TBC1D9: variants seen among roughly 807,000 people sequenced by gnomAD.
TBC1D9 encodes TBC1 domain family member 9.
A neutral mutation model predicts 132.0 loss-of-function variants in TBC1D9; 63 were observed. The observed-to-expected ratio is 0.48, with a 90% confidence interval of 0.39 to 0.59. TBC1D9 has a LOEUF of 0.59. Among genes scored for constraint, TBC1D9 ranks in the 20% least tolerant of loss-of-function variants. The pLI, the probability that TBC1D9 is intolerant of heterozygous loss-of-function variation, is 0.00. For synonymous variants in TBC1D9, 610 were observed against 609.9 expected (o/e 1.00, Z 0.00); for missense variants, 1,261 against 1,592.7 (o/e 0.79, Z 3.54).
chr4:140,709,219 A>ATCTC (rs145661338), intron 1 of TBC1D9, among the ~76,000 whole-genome samples: 4,844 of 87,830 alleles, frequency 0.055, 186 homozygotes, highest in Middle Eastern at 0.11. Flanking sequence ...AACCAGCCTT[A>ATCTC]TCTCTCTCTC....
intron 13 of TBC1D9, chr4:140,641,887 C>A: frequency 2.6e-6 from 1 of 384,588 alleles, no homozygotes; most frequent in Non-Finnish European, 4.9e-6. Flanking sequence ...CACTCGCTTC[C>A]TTCTCGCTCA....
At chr4:140,693,382 G>A (rs1426661889) in intron 2 of TBC1D9, among the ~76,000 whole-genome samples, 1 of 152,178 alleles carries the variant, frequency 6.6e-6, no homozygotes, top group East Asian at 1.9e-4. Flanking sequence ...TGAGTGAGGC[G>A]ATATTACTTA....
intron 1 of TBC1D9, among the ~76,000 whole-genome samples, chr4:140,730,839 T>G (rs1439004119): frequency 6.6e-6 from 1 of 152,248 alleles, no homozygotes; most frequent in Non-Finnish European, 1.5e-5. Flanking sequence ...GGAGCAAGTA[T>G]GAGGCACGAG....
At chr4:140,663,225 G>A (rs1024758515) in intron 9 of TBC1D9, among the ~76,000 whole-genome samples, 1 of 152,106 alleles carries the variant, frequency 6.6e-6, no homozygotes, top group South Asian at 2.1e-4. Context: ...ATTTTAAAAT[G>A]GGCAAAGGAA....
rs759630235 is a variant in TBC1D9, at chr4:140,622,736, C to T, written c.3260G>A (p.Cys1087Tyr). The change falls in exon 21 of 21, where the codon TGC (cysteine) becomes TAC (tyrosine). Residue 1087 changes from cysteine (C) to tyrosine (Y), a missense_variant. Transcript: ENST00000442267. ...GAGCACGCCTGGGATGCCCTGGTGG[C>T]AGGACGGCCCACTGCCTCCGCTCCC... ...EGGSGGSGPS[C>Y]HQGIPGVLFP... 4 of 1,607,886 alleles carry T rather than the reference C, an allele frequency of 2.5e-6. No homozygotes were observed. In the Admixed American group the frequency reaches 6.7e-5, roughly 27 times the overall value.
At chr4:140,676,337 C>T (rs1014937031) in intron 6 of TBC1D9, among the ~76,000 whole-genome samples, 2 of 152,146 alleles carry the variant, frequency 1.3e-5, no homozygotes, top group Non-Finnish European at 2.9e-5. Context: ...TTGCTGGCCT[C>T]GTTAAGCTTG....
chr4:140,709,240 T>A (rs1738192851), intron 1 of TBC1D9, among the ~76,000 whole-genome samples: 1 of 109,542 alleles, frequency 9.1e-6, no homozygotes, highest in African/African-American at 3.8e-5. Context: ...TCTCTCTCTC[T>A]CTCTCTCTCA....
intron 2 of TBC1D9, among the ~76,000 whole-genome samples, chr4:140,690,862 C>G (rs1200533300): frequency 1.3e-5 from 2 of 152,032 alleles, no homozygotes; most frequent in Non-Finnish European, 2.9e-5. Context: ...TTATATGAAC[C>G]CATTATCATC....
At chr4:140,746,083 T>G (rs562545245) in intron 1 of TBC1D9, among the ~76,000 whole-genome samples, 1 of 152,356 alleles carries the variant, frequency 6.6e-6, no homozygotes, top group South Asian at 2.1e-4. Flanking sequence ...TAGTCTGCAC[T>G]CTTACCATCT....
In TBC1D9 at chr4:140,699,925, AT is replaced by A. The variant is rs1479625940; in HGVS notation, c.241+1578del. On this transcript the variant is annotated intron_variant, in intron 2 of 20. Transcript: ENST00000442267. ...CTGTAAATCAAGTAGAGGCAAAAAAATAAAAGTTAAAAAAAGTGTTCATATA... is the reference window on the plus strand; with the variant it reads ...CTGTAAATCAAGTAGAGGCAAAAAAAAAAAGTTAAAAAAAGTGTTCATATA... Among the ~76,000 whole-genome samples the A allele has an allele frequency of 5.1e-4, 77 of 151,762 alleles. 1 individual carries two copies. The highest frequency in any genetic ancestry group is 1.7e-3 in the African/African-American group (71 of 41,336).
At chr4:140,733,911 C>T (rs767893745) in intron 1 of TBC1D9, among the ~76,000 whole-genome samples, 1 of 151,962 alleles carries the variant, frequency 6.6e-6, no homozygotes, top group Non-Finnish European at 1.5e-5. Flanking sequence ...TCCTCTTCTT[C>T]CTTTCCTCCC....
At chr4:140,639,470 C>G (rs943266140) in intron 13 of TBC1D9, 42 bp from the exon 14 acceptor site, 6 of 1,390,896 alleles carry the variant, frequency 4.3e-6, no homozygotes, top group Admixed American at 1.9e-5. Flanking sequence ...AAATCTCTTA[C>G]AGCACACAAT....
At chr4:140,677,448 T>G (rs1268409036) in intron 5 of TBC1D9, among the ~76,000 whole-genome samples, 1 of 152,100 alleles carries the variant, frequency 6.6e-6, no homozygotes, top group East Asian at 1.9e-4. Context: ...CCAAGCCACT[T>G]TAGGGGGGGC....
intron 2 of TBC1D9, among the ~76,000 whole-genome samples, chr4:140,688,779 C>T (rs913825480): frequency 6.6e-6 from 1 of 152,166 alleles, no homozygotes; most frequent in Non-Finnish European, 1.5e-5. Flanking sequence ...AGCAAAAATA[C>T]TGTTCAAATG....
At chr4:140,642,448 G>C (rs917779636) in intron 13 of TBC1D9, 1 of 892,774 alleles carries the variant, frequency 1.1e-6, no homozygotes, top group Non-Finnish European at 1.8e-6. Flanking sequence ...GTCATAAGGA[G>C]TTAAGTACTT....
At chr4:140,727,784 A>G (rs1738523387) in intron 1 of TBC1D9, among the ~76,000 whole-genome samples, 1 of 151,946 alleles carries the variant, frequency 6.6e-6, no homozygotes, top group African/African-American at 2.4e-5. Context: ...TGAATGAATG[A>G]GTGACGAATT....
intron 15 of TBC1D9, among the ~76,000 whole-genome samples, chr4:140,637,606 C>A (rs896601249): frequency 7.2e-5 from 11 of 152,222 alleles, no homozygotes; most frequent in Admixed American, 6.5e-4. Context: ...CCCTTAAAAA[C>A]CTGATCTGAA....
At chr4:140,684,512 T>C (rs1737751376) in intron 3 of TBC1D9, among the ~76,000 whole-genome samples, 1 of 152,134 alleles carries the variant, frequency 6.6e-6, no homozygotes, top group Non-Finnish European at 1.5e-5. Context: ...TTCAGGGGAA[T>C]TAAATCTGAC....
chr4:140,699,566 T>C (rs1350532220), intron 2 of TBC1D9, among the ~76,000 whole-genome samples: 1 of 152,134 alleles, frequency 6.6e-6, no homozygotes, highest in Non-Finnish European at 1.5e-5. Flanking sequence ...ATCAAACAAA[T>C]TCCAATTGAG....
Sources: gnomAD v4.1 joint callset for allele counts (sites outside exome capture counted in the v4.1 genomes callset) on GRCh38, gnomAD v4.1.1 for gene constraint, MANE v1.5 for transcripts, NCBI Gene and HGNC (gene_info 2026-07-23, HGNC 2026-07-21) for gene names.